IQCK: variants seen among roughly 807,000 people sequenced by gnomAD.
The protein encoded by IQCK is IQ motif containing K.
In IQCK, 29 loss-of-function variants were observed where a neutral mutation model predicts 28.1. The observed-to-expected ratio is 1.03, with a 90% confidence interval of 0.77 to 1.41. The LOEUF is 1.41. Among genes scored for constraint, IQCK ranks in the 40% most tolerant of loss-of-function variants. IQCK has a pLI of 0.00. For missense variants in IQCK, 359 were observed against 314.7 expected (o/e 1.14, Z -1.07); for synonymous variants, 113 against 115.1 (o/e 0.98, Z 0.12).
chr16:19,820,290 G>A (rs752749773), intron 7 of IQCK, among the ~76,000 whole-genome samples: 10 of 152,210 alleles, frequency 6.6e-5, no homozygotes, highest in Non-Finnish European at 1.5e-4. Context: ...ATCAAGGTGG[G>A]TGGATCGCTT....
At chr16:19,771,705 T>A (rs537123503) in intron 6 of IQCK, among the ~76,000 whole-genome samples, 1 of 152,296 alleles carries the variant, frequency 6.6e-6, no homozygotes, top group East Asian at 1.9e-4. Flanking sequence ...TATCTCCATA[T>A]GTATATAGAT....
At chr16:19,721,210 AG>A (rs1417975218) in intron 1 of IQCK, among the ~76,000 whole-genome samples, 1 of 151,802 alleles carries the variant, frequency 6.6e-6, no homozygotes, top group East Asian at 1.9e-4. Flanking sequence ...TTTGAGATTA[AG>A]TACTACATTC....
chr16:19,743,290 G>A (rs2054862826), intron 4 of IQCK, among the ~76,000 whole-genome samples: 1 of 152,198 alleles, frequency 6.6e-6, no homozygotes, highest in Non-Finnish European at 1.5e-5. Flanking sequence ...CACACAGGAG[G>A]TAATTTATTA....
intron 7 of IQCK, among the ~76,000 whole-genome samples, chr16:19,799,352 A>G (rs752614063): frequency 1.1e-5 from 1 of 88,056 alleles, no homozygotes; most frequent in Non-Finnish European, 1.9e-5. Flanking sequence ...GCTCACTGCA[A>G]CCTCCGCCTC....
At chr16:19,767,683 G>C (rs757307870) in intron 6 of IQCK, among the ~76,000 whole-genome samples, 2 of 152,214 alleles carry the variant, frequency 1.3e-5, no homozygotes, top group South Asian at 4.1e-4. Flanking sequence ...GGTGTGGCAA[G>C]CCAGGGTGGT....
intron 6 of IQCK, among the ~76,000 whole-genome samples, chr16:19,769,923 A>G (rs2151716835): frequency 6.6e-6 from 1 of 152,188 alleles, no homozygotes; most frequent in Non-Finnish European, 1.5e-5. Flanking sequence ...GGGGTAGAGA[A>G]GGGTTGTACC....
At chr16:19,767,475 T>G (rs539752794) in intron 6 of IQCK, among the ~76,000 whole-genome samples, 61 of 152,246 alleles carry the variant, frequency 4.0e-4, no homozygotes, top group Non-Finnish European at 6.5e-4. Context: ...TTCCTCCGAC[T>G]AACTGCCCTG....
At chr16:19,735,919 A>T in intron 4 of IQCK, 2 of 338,508 alleles carry the variant, frequency 5.9e-6, no homozygotes, top group Non-Finnish European at 1.2e-5. Flanking sequence ...TTTTTAAATT[A>T]GCTAGGTGTG....
intron 9 of IQCK, among the ~76,000 whole-genome samples, chr16:19,850,441 T>C (rs1307152090): frequency 6.6e-6 from 1 of 152,228 alleles, no homozygotes; most frequent in Non-Finnish European, 1.5e-5. Flanking sequence ...TTTTATTATT[T>C]ACCTGGAATC....
At chr16:19,739,660 C>T (rs533487506) in intron 4 of IQCK, among the ~76,000 whole-genome samples, 10 of 152,204 alleles carry the variant, frequency 6.6e-5, no homozygotes, top group South Asian at 2.1e-4. Flanking sequence ...ACAAAAAATA[C>T]GAAAATTAGC....
intron 4 of IQCK, among the ~76,000 whole-genome samples, chr16:19,743,787 T>G (rs2054869004): frequency 6.6e-6 from 1 of 152,248 alleles, no homozygotes; most frequent in African/African-American, 2.4e-5. Context: ...ACATGAAAGA[T>G]GGGTCTGGAG....
At chr16:19,764,757 C>T (rs2055203742) in intron 6 of IQCK, among the ~76,000 whole-genome samples, 2 of 146,780 alleles carry the variant, frequency 1.4e-5, no homozygotes, top group African/African-American at 5.0e-5. Flanking sequence ...GTGACGCGAT[C>T]TTGGCTTACT....
chr16:19,768,029 T>C (rs2055266987), intron 6 of IQCK, among the ~76,000 whole-genome samples: 1 of 151,378 alleles, frequency 6.6e-6, no homozygotes, highest in Non-Finnish European at 1.5e-5. Flanking sequence ...TTTTTTTTTT[T>C]TTAAACTTCC....
chr16:19,820,210 GA>G (rs71375663), intron 7 of IQCK, among the ~76,000 whole-genome samples: 24 of 150,888 alleles, frequency 1.6e-4, no homozygotes, highest in Non-Finnish European at 1.9e-4. Flanking sequence ...AATAACAAAA[GA>G]AAAAAAAATA....
chr16:19,812,721 A>G (rs551864916), intron 7 of IQCK, among the ~76,000 whole-genome samples: 1 of 152,364 alleles, frequency 6.6e-6, no homozygotes, highest in South Asian at 2.1e-4. Context: ...ATCAACTGGA[A>G]AATCCAAATC....
chr16:19,847,627 G>A (rs757132294), intron 9 of IQCK, among the ~76,000 whole-genome samples: 2 of 152,114 alleles, frequency 1.3e-5, no homozygotes, highest in Non-Finnish European at 2.9e-5. Context: ...TTATGTCTGG[G>A]AGATGCAGCT....
intron 1 of IQCK, 88 bp from the exon 2 acceptor site, chr16:19,730,342 T>C (rs1977792587): frequency 4.0e-6 from 4 of 999,014 alleles, no homozygotes; most frequent in Non-Finnish European, 5.8e-6. Flanking sequence ...AAAATAAAAT[T>C]TAAGAATGTT....
At chr16:19,727,596 C>G (rs957489009) in intron 1 of IQCK, among the ~76,000 whole-genome samples, 3 of 147,144 alleles carry the variant, frequency 2.0e-5, no homozygotes, top group Admixed American at 6.7e-5. Context: ...CCCCCCCCCC[C>G]CAAAAAAAAA....
At chr16:19,810,458 C>T (rs1476153112) in intron 7 of IQCK, among the ~76,000 whole-genome samples, 4 of 150,298 alleles carry the variant, frequency 2.7e-5, no homozygotes, top group Admixed American at 6.7e-5. Flanking sequence ...GATCGTGCCA[C>T]TGCACTCCAG....
Sources: gnomAD v4.1 joint callset for allele counts (sites outside exome capture counted in the v4.1 genomes callset) on GRCh38, gnomAD v4.1.1 for gene constraint, MANE v1.5 for transcripts, NCBI Gene and HGNC (gene_info 2026-07-23, HGNC 2026-07-21) for gene names.